UBR4: variants seen among roughly 807,000 people sequenced by gnomAD.
UBR4 encodes E3 ubiquitin-protein ligase UBR4.
A neutral mutation model predicts 575.6 loss-of-function variants in UBR4; 124 were observed. The observed-to-expected ratio is 0.22, with a 90% CI of 0.19 to 0.25. The LOEUF (loss-of-function observed/expected upper bound fraction) is 0.25. Ranked by LOEUF, UBR4 falls within the 10% of genes least tolerant of loss-of-function variation. The pLI is 1.00. For missense variants in UBR4, 4,818 were observed against 6,478.8 expected, an observed-to-expected ratio of 0.74 and a Z score of 8.80; for synonymous variants, 2,455 against 2,473.7, an observed-to-expected ratio of 0.99 and a Z score of 0.22.
At chr1:19,092,247 A>C (rs2077593184) in intron 97 of UBR4, among the ~76,000 whole-genome samples, 1 of 152,024 alleles carries the variant, frequency 6.6e-6, no homozygotes, top group Non-Finnish European at 1.5e-5. Flanking sequence ...ACTGGGGGAG[A>C]GTGGGGAAAG....
rs2085032525 is a variant in UBR4 at position 19,147,503 on chromosome 1, C to A, written c.7629+490G>T. On this transcript the variant is annotated intron_variant, in intron 51 of 105. Coordinates refer to ENST00000375254, the MANE Select transcript of UBR4 (RefSeq NM_020765.3). ...TCTTTTCCATCTACAGAAATTGGCC[C>A]AGTTTGTCTCCTTTGGCAATGCCTT... Among the ~76,000 whole-genome samples, 3 of 152,152 alleles carry A rather than the reference C, an allele frequency of 2.0e-5. No individual in the cohort carries two copies. In the South Asian group the frequency reaches 6.2e-4, roughly 32 times the overall value.
chr1:19,171,150 C>T (rs2089469501), intron 25 of UBR4, among the ~76,000 whole-genome samples: 1 of 152,174 alleles, frequency 6.6e-6, no homozygotes, highest in African/African-American at 2.4e-5. Flanking sequence ...CCTCCTTCCC[C>T]ACCTCAGAAG....
chr1:19,081,385 G>A lies in UBR4; in HGVS notation c.15197C>T (p.Ser5066Leu), dbSNP rs202186382. The part of the protein sequence containing the change: ...VEILRRLLVT[S>L]QARAVAPGGA... ...ACCTGGAGCCACTGCCCGAGCCTGC[G>A]AGGTCACCAACAGCCTCCGCAAGAT... Residue 5066 changes from serine (S) to leucine (L), a missense_variant, in exon 103 of 106, where the codon TCG becomes TTG. By Grantham distance (145) the Ser-to-Leu change is moderately radical (BLOSUM62 -2). Coordinates refer to ENST00000375254, the MANE Select transcript of UBR4 (RefSeq NM_020765.3). 74 of 1,611,350 alleles carry A rather than the reference G, an allele frequency of 4.6e-5. No individual in the cohort carries two copies. The highest frequency in any genetic ancestry group is 1.3e-4 in the African/African-American group (10 of 74,908).
intron 17 of UBR4, among the ~76,000 whole-genome samples, chr1:19,182,071 GTGAC>G (rs1450505152): frequency 4.6e-5 from 7 of 152,166 alleles, no homozygotes; most frequent in African/African-American, 1.2e-4. Flanking sequence ...TTGTGCTTCT[GTGAC>G]TGACTAATTT....
intron 94 of UBR4, 149 bp downstream of exon 94, chr1:19,094,757 T>G: frequency 2.0e-5 from 21 of 1,062,046 alleles, no homozygotes; most frequent in Non-Finnish European, 2.8e-5. Flanking sequence ...TACAATTATG[T>G]CATCATTAGT....
chr1:19,171,679 G>GAAAATACA (rs985742517), intron 25 of UBR4, among the ~76,000 whole-genome samples: 2 of 151,932 alleles, frequency 1.3e-5, no homozygotes, highest in Non-Finnish European at 2.9e-5. Context: ...CATTTCTACT[G>GAAAATACA]AAAATACAAA....
In UBR4 at chr1:19,105,770, G is replaced by C. The variant is rs774365858; in HGVS notation, c.12466C>G (p.Pro4156Ala). The C allele has an allele frequency of 6.8e-6, 11 of 1,610,332 alleles. No homozygotes were observed. The highest frequency in any genetic ancestry group is 2.2e-5 in the East Asian group (1 of 44,634). ...CTIVEALATI[P>A]SRKQQVLDLL... is the part of the protein sequence containing the mutation. ...TCCAGGACCTGCTGCTTGCGGCTGG[G>C]AATGGTGGCTAGAGCTTCCACAATG... is the stretch of plus-strand genomic sequence containing the variant. Residue 4156 changes from proline (P) to alanine (A), a missense_variant, in exon 84 of 106, where the codon CCC (proline) becomes GCC (alanine). By Grantham distance (27) the Pro-to-Ala change is conservative. Transcript: ENST00000375254.
In UBR4 at chr1:19,120,348, C is replaced by T. The variant is rs766755783; in HGVS notation, c.10142G>A (p.Gly3381Asp). The change falls in exon 69 of 106, where the codon GGT (glycine) becomes GAT (aspartate). Residue 3381 changes from glycine to aspartate, a missense_variant and splice_region_variant. Gly to Asp is a moderately conservative substitution (Grantham distance 94). Transcript: ENST00000375254. The stretch of plus-strand genomic sequence containing the variant: ...GTCCTCCTGGCTGCCAGAGGTCTCA[C>T]CTGCAAGATTAGGACAGGACTAAGG... ...KKEEKEKEKD[G>D]ETSGSQEDQL... is the part of the protein sequence containing the mutation. The T allele has an allele frequency of 6.2e-7, 1 of 1,614,078 alleles. No individual in the cohort carries two copies. Among genetic ancestry groups the T allele is most frequent in the South Asian group, 1.1e-5 (1 of 91,072 alleles).
At chr1:19,077,002 C>T (rs2076007627) in intron 104 of UBR4, 100 bp from the exon 105 acceptor site, 2 of 1,313,996 alleles carry the variant, frequency 1.5e-6, no homozygotes, top group East Asian at 4.9e-5. Context: ...AAAGGACAGC[C>T]CTCCCAACCT....
chr1:19,180,541 C>CA (rs11409299), intron 17 of UBR4, among the ~76,000 whole-genome samples: 53,362 of 108,450 alleles, frequency 0.49, 11,145 homozygotes, highest in East Asian at 0.74. Context: ...TGAAACAATT[C>CA]AAAAAAAAAA....
chr1:19,114,745 G>A, intron 75 of UBR4, 66 bp downstream of exon 75: 1 of 1,596,966 alleles, frequency 6.3e-7, no homozygotes, highest in South Asian at 1.1e-5. Context: ...GCACTGCACT[G>A]CACCAGGTCT....
Position 19,155,643 on chromosome 1 carries a change from A to C in UBR4, c.6098T>G (p.Leu2033Trp). The C allele has an allele frequency of 6.2e-7, 1 of 1,614,186 alleles. No homozygotes were observed. The highest frequency in any genetic ancestry group is 8.5e-7 in the Non-Finnish European group (1 of 1,180,016). The change falls in exon 43 of 106, where the codon TTG becomes TGG. Residue 2033 changes from leucine to tryptophan, a missense_variant. Physicochemically the swap from Leu to Trp is moderately conservative, Grantham distance 61. Transcript: ENST00000375254. The part of the protein sequence containing the change: ...VKIYDLCVDA[L>W]SPTFYFLLPS... ...CAGGAGAAAATAGAAGGTTGGACTC[A>C]AGGCATCAACACACAGGTCATAAAT... is the stretch of plus-strand genomic sequence containing the variant.
At chr1:19,195,390 C>T (rs1463460301) in intron 8 of UBR4, among the ~76,000 whole-genome samples, 2 of 151,646 alleles carry the variant, frequency 1.3e-5, no homozygotes, top group Admixed American at 1.3e-4. Context: ...AGCCAAATCC[C>T]TTTCCTTAAA....
chr1:19,161,474 G>A (rs1027539991), intron 37 of UBR4, 115 bp downstream of exon 37: 3 of 1,390,242 alleles, frequency 2.2e-6, no homozygotes, highest in African/African-American at 1.4e-5. Flanking sequence ...TGAGTGAGCT[G>A]GAACATATTC....
Position 19,088,011 on chromosome 1 carries a change from G to T in UBR4, c.14431-82C>A. The T allele has an allele frequency of 9.1e-7, 1 of 1,092,938 alleles. No individual in the cohort carries two copies. The highest frequency in any genetic ancestry group is 1.4e-6 in the Non-Finnish European group (1 of 733,496). 67.7% of individuals were successfully genotyped at this position (1,092,938 alleles called of 1,614,324 possible). ...TAGCTTGGAGATGCTCAGGAACAGG[G>T]CTAACCTTCTACCTCCACTAAAAGG... On this transcript the variant is annotated intron_variant, in intron 98 of 105. Coordinates refer to ENST00000375254, the MANE Select transcript of UBR4 (RefSeq NM_020765.3). This position sits in a 1 kb window ranked among gnomAD's most constrained non-coding sequence, Gnocchi z 4.0.
chr1:19,165,267 T>G lies in UBR4; in HGVS notation c.4294A>C (p.Thr1432Pro). Residue 1432 changes from threonine to proline, a missense_variant, in exon 31 of 106, where the codon ACC becomes CCC. Around this residue, in one of 29 missense-constraint regions of UBR4, gnomAD observed 1,172 missense variants for 1,259.7 expected, o/e 0.93. Coordinates refer to ENST00000375254, the MANE Select transcript of UBR4 (RefSeq NM_020765.3). ...CACTCACTCAGCTGGAAGAGTTTGG[T>G]GAAGAATTTCAAAACTCGGTTACAG... ...KFCNRVLKFFTKLFQLTEKSP... is the reference protein window; with the variant it reads ...KFCNRVLKFFPKLFQLTEKSP... 6.2e-7 allele frequency: 1 copy of G among 1,614,052 alleles called. No homozygotes were observed. Among genetic ancestry groups the G allele is most frequent in the Non-Finnish European group, 8.5e-7 (1 of 1,179,964 alleles).
At chr1:19,077,746 C>T in intron 104 of UBR4, 6 of 1,452,356 alleles carry the variant, frequency 4.1e-6, no homozygotes, top group Non-Finnish European at 5.5e-6. Context: ...AAAAACCAAA[C>T]CAAACCAAAC....
At position 19,183,765 on chromosome 1, in the gene UBR4, G is replaced by A. The variant is rs551482651; in HGVS notation, c.2184+46C>T. 2.9e-5 allele frequency: 45 copies of A among 1,565,908 alleles called. No individual in the cohort carries two copies. In the South Asian group the frequency reaches 3.2e-4, roughly 11 times the overall value. ...ACAATTGGAGCTGCAGCCTATGGAA[G>A]CTGGTGTCATGAGCTCTTGCCTAGA... On this transcript the variant is annotated intron_variant, in intron 17 of 105. Coordinates refer to ENST00000375254, the MANE Select transcript of UBR4 (RefSeq NM_020765.3).
In UBR4 at chr1:19,192,454, T is replaced by C. The variant is rs767638040; in HGVS notation, c.1203+27A>G. On this transcript the variant is annotated intron_variant, in intron 10 of 105. Coordinates refer to ENST00000375254, the MANE Select transcript of UBR4 (RefSeq NM_020765.3). ...CTCAGAGAGGACAAGATAGGAAGTA[T>C]GCAGCAGAGACAGATACGCTTCTTA... 4.5e-5 allele frequency: 72 copies of C among 1,614,052 alleles called. 1 individual carries two copies. In the South Asian group the frequency reaches 6.4e-4, roughly 14 times the overall value.
Sources: gnomAD v4.1 joint callset for allele counts (sites outside exome capture counted in the v4.1 genomes callset) on GRCh38, gnomAD v4.1.1 for gene constraint, gnomAD v4.1.1 regional missense constraint, Gnocchi (gnomAD v3.1) non-coding constraint, MANE v1.5 for transcripts, NCBI Gene and HGNC (gene_info 2026-07-23, HGNC 2026-07-21) for gene names.